ZHX1: variants seen among roughly 807,000 people sequenced by gnomAD.
ZHX1 encodes the protein zinc fingers and homeoboxes 1, also known as zinc fingers and homeoboxes protein 1.
In ZHX1, 20 loss-of-function variants were observed where a neutral mutation model predicts 61.8. That is an observed-to-expected ratio of 0.32 (90% confidence interval 0.23 to 0.47). The LOEUF is 0.47. Among genes scored for constraint, ZHX1 ranks in the 20% least tolerant of loss-of-function variants. The pLI is 1.00. For missense variants in ZHX1, 800 were observed against 1,034.8 expected, an observed-to-expected ratio of 0.77 and a Z score of 3.11; for synonymous variants, 318 against 352.6, an observed-to-expected ratio of 0.90 and a Z score of 1.10.
intron 1 of ZHX1, among the ~76,000 whole-genome samples, chr8:123,271,499 G>C: frequency 6.6e-6 from 1 of 152,012 alleles, no homozygotes; most frequent in East Asian, 1.9e-4. Flanking sequence ...AATCCACAAT[G>C]CTGCAACACA....
Position 123,254,942 on chromosome 8 carries a change from T to C in ZHX1, c.1005A>G (p.Gln335=), listed in dbSNP as rs375077823. ...TCCAACTAACACCATGTTTTAAACGTTGGGCTGAAAACCATATCTTGATCT... is the reference window on the plus strand; with the variant it reads ...TCCAACTAACACCATGTTTTAAACGCTGGGCTGAAAACCATATCTTGATCT... ...EEQIKIWFSA[Q]RLKHGVSWTP... The change falls in exon 3 of 4, where the codon CAA becomes CAG. Residue 335 remains glutamine, a synonymous_variant. Coordinates refer to ENST00000395571, the MANE Select transcript of ZHX1 (RefSeq NM_007222.5). This position sits in a 1 kb window ranked among gnomAD's most constrained non-coding sequence, Gnocchi z 4.1. The C allele has an allele frequency of 1.1e-5, 18 of 1,614,218 alleles. No homozygotes were observed. Among genetic ancestry groups the C allele is most frequent in the Middle Eastern group, 1.6e-4 (1 of 6,062 alleles).
intron 1 of ZHX1, among the ~76,000 whole-genome samples, chr8:123,268,636 C>A (rs549666064): frequency 6.6e-6 from 1 of 152,098 alleles, no homozygotes; most frequent in Admixed American, 6.6e-5. Context: ...GGATTACAGG[C>A]ACACGCCACC....
rs752303790 is a variant in ZHX1 at position 123,254,652 on chromosome 8, G to C, written c.1295C>G (p.Pro432Arg). 6.2e-7 allele frequency: 1 copy of C among 1,614,156 alleles called. No homozygotes were observed. Among genetic ancestry groups the C allele is most frequent in the Non-Finnish European group, 8.5e-7 (1 of 1,180,028 alleles). The change falls in exon 3 of 4, where the codon CCT (proline) becomes CGT (arginine). Residue 432 changes from proline (P) to arginine (R), a missense_variant. Coordinates refer to ENST00000395571, the MANE Select transcript of ZHX1 (RefSeq NM_007222.5). This position sits in a 1 kb window ranked among gnomAD's most constrained non-coding sequence, Gnocchi z 4.1. ...TGTTTCTGCAGTAGGCTGAGCAGCAGGTACCTGACTTTTCTGTATATTATT... is the reference window on the plus strand; with the variant it reads ...TGTTTCTGCAGTAGGCTGAGCAGCACGTACCTGACTTTTCTGTATATTATT... ...SQNNIQKSQV[P>R]AAQPTAETKP... is the part of the protein sequence containing the mutation.
At chr8:123,268,593 G>A (rs1263688703) in intron 1 of ZHX1, among the ~76,000 whole-genome samples, 1 of 152,126 alleles carries the variant, frequency 6.6e-6, no homozygotes, top group Non-Finnish European at 1.5e-5. Context: ...CCTGGTTCAA[G>A]CGATTCTCCT....
At position 123,251,331 on chromosome 8, in the gene ZHX1, T is replaced by C. The variant is rs1265847395; in HGVS notation, c.*4-1011A>G. On this transcript the variant is annotated intron_variant, in intron 3 of 3. Transcript: ENST00000395571. The stretch of plus-strand genomic sequence containing the variant: ...CAACTAAACCTCTTTTCTTCATAAA[T>C]TACCCAGTCTCAGGTCGTTCTTTAT... 2.6e-5 allele frequency among the ~76,000 whole-genome samples: 4 copies of C among 152,184 alleles called. No individual in the cohort carries two copies. The East Asian group carries it at 7.7e-4, about 29-fold the overall frequency.
chr8:123,254,498 G>A lies in ZHX1; in HGVS notation c.1449C>T (p.Tyr483=), dbSNP rs200323008. 4 of 1,613,750 alleles carry A rather than the reference G, an allele frequency of 2.5e-6. No homozygotes were observed. Among genetic ancestry groups the A allele is most frequent in the Middle Eastern group, 1.6e-4 (1 of 6,082 alleles). ...AATCATGGGGAAACTGATTTTTAAG[G>A]TAGCTAACTTTTAATTCTGCCAGTT... ...KEQLAELKVS[Y]LKNQFPHDSE... Residue 483 remains tyrosine, a synonymous_variant, in exon 3 of 4, where the codon TAC becomes TAT. Coordinates refer to ENST00000395571, the MANE Select transcript of ZHX1 (RefSeq NM_007222.5). The surrounding 1 kb of genome is among the most constrained non-coding windows in gnomAD (Gnocchi z 4.1).
chr8:123,262,319 T>C (rs910486401), intron 2 of ZHX1, among the ~76,000 whole-genome samples: 19 of 152,178 alleles, frequency 1.2e-4, no homozygotes, highest in Non-Finnish European at 1.0e-4. Flanking sequence ...TTAAGGAATA[T>C]GGAAAAACTA....
chr8:123,260,488 C>T (rs1180474279), intron 2 of ZHX1, among the ~76,000 whole-genome samples: 1 of 150,754 alleles, frequency 6.6e-6, no homozygotes, highest in Non-Finnish European at 1.5e-5. Context: ...AATCCCGCTA[C>T]TCGGAAGGCT....
Position 123,253,725 on chromosome 8 carries a change from C to T in ZHX1, c.2222G>A (p.Arg741Lys). 1 of 1,614,202 alleles carries T rather than the reference C, an allele frequency of 6.2e-7. No homozygotes were observed. The highest frequency in any genetic ancestry group is 8.5e-7 in the Non-Finnish European group (1 of 1,180,032). The change falls in exon 3 of 4, where the codon AGG becomes AAG. Residue 741 changes from arginine (R) to lysine (K), a missense_variant. Coordinates refer to ENST00000395571, the MANE Select transcript of ZHX1 (RefSeq NM_007222.5). Reference sequence around the variant, plus strand: ...TTTGGGTCTCCCTCTCCCTCTTTTCCTAAGGGAAGACAGACCATTCATACT... The same window carrying T: ...TTTGGGTCTCCCTCTCCCTCTTTTCTTAAGGGAAGACAGACCATTCATACT... ...SSSMNGLSSLRKRGRGRPKGR... is the reference protein window; with the variant it reads ...SSSMNGLSSLKKRGRGRPKGR...
In ZHX1 at chr8:123,255,579, T is replaced by A; in HGVS notation, c.368A>T (p.Lys123Ile). ...RYDALSEHNLKYHPGEENFKL... is the reference protein window; with the variant it reads ...RYDALSEHNLIYHPGEENFKL... ...AAAATTCTCTTCTCCTGGGTGATAT[T>A]TCAGATTATGCTCAGAAAGTGCATC... The change falls in exon 3 of 4, where the codon AAA becomes ATA. Residue 123 changes from lysine (K) to isoleucine (I), a missense_variant. Lys to Ile is a moderately radical substitution (Grantham distance 102). Coordinates refer to ENST00000395571, the MANE Select transcript of ZHX1 (RefSeq NM_007222.5). 6.2e-7 allele frequency: 1 copy of A among 1,613,198 alleles called. No individual in the cohort carries two copies. Among genetic ancestry groups the A allele is most frequent in the Non-Finnish European group, 8.5e-7 (1 of 1,179,924 alleles).
At chr8:123,268,636 C>T (rs549666064) in intron 1 of ZHX1, among the ~76,000 whole-genome samples, 8 of 152,216 alleles carry the variant, frequency 5.3e-5, no homozygotes, top group African/African-American at 1.9e-4. Flanking sequence ...GGATTACAGG[C>T]ACACGCCACC....
At position 123,253,927 on chromosome 8, in the gene ZHX1, T is replaced by C. The variant is rs759506087; in HGVS notation, c.2020A>G (p.Met674Val). The change falls in exon 3 of 4, where the codon ATG (methionine) becomes GTG (valine). Residue 674 changes from methionine to valine, a missense_variant. Coordinates refer to ENST00000395571, the MANE Select transcript of ZHX1 (RefSeq NM_007222.5). ...ICKKTPEQLH[M>V]LKSAFVRTQW... ...GTCCGGACAAATGCACTCTTAAGCA[T>C]GTGCAGCTGCTCAGGTGTTTTTTTA... The C allele has an allele frequency of 5.6e-6, 9 of 1,614,116 alleles. No individual in the cohort carries two copies. The highest frequency in any genetic ancestry group is 7.6e-6 in the Non-Finnish European group (9 of 1,180,036).
At chr8:123,274,700 C>T (rs948860869), upstream of ZHX1, among the ~76,000 whole-genome samples, 3 of 151,986 alleles carry the variant, frequency 2.0e-5, no homozygotes, top group Non-Finnish European at 2.9e-5. Flanking sequence ...CTCGAAATGG[C>T]CCCGCCCTTT....
chr8:123,250,483 CTATGTA>C (rs1825888917), intron 3 of ZHX1, among the ~76,000 whole-genome samples, 163 bp from the exon 4 acceptor site: 2 of 152,308 alleles, frequency 1.3e-5, no homozygotes, highest in African/African-American at 4.8e-5. Context: ...TGCAACTCAT[CTATGTA>C]TATGTTCTTC....
intron 2 of ZHX1, chr8:123,262,972 G>A (rs1826326441): frequency 6.7e-6 from 1 of 149,826 alleles, no homozygotes; most frequent in Non-Finnish European, 1.5e-5. Flanking sequence ...GAGGGAGGGA[G>A]GAAGAGAGGA....
chr8:123,257,880 T>C (rs1788369094), intron 2 of ZHX1, among the ~76,000 whole-genome samples: 1 of 152,166 alleles, frequency 6.6e-6, no homozygotes, highest in South Asian at 2.1e-4. Flanking sequence ...ACCTTCTCCC[T>C]TTCATTTGGT....
chr8:123,252,033 T>C (rs1034464102), intron 3 of ZHX1, among the ~76,000 whole-genome samples: 1 of 152,130 alleles, frequency 6.6e-6, no homozygotes, highest in African/African-American at 2.4e-5. Flanking sequence ...CTGCACAGAA[T>C]AACAGAGCAT....
At chr8:123,261,617 A>G (rs1430271452) in intron 2 of ZHX1, among the ~76,000 whole-genome samples, 1 of 152,162 alleles carries the variant, frequency 6.6e-6, no homozygotes, top group East Asian at 1.9e-4. Context: ...ATATCAGTAC[A>G]CTGCAGGAGG....
chr8:123,253,871 C>T lies in ZHX1; in HGVS notation c.2076G>A (p.Lys692=), dbSNP rs1336505790. 2.5e-6 allele frequency: 4 copies of T among 1,614,084 alleles called. No individual in the cohort carries two copies. The highest frequency in any genetic ancestry group is 3.4e-6 in the Non-Finnish European group (4 of 1,180,032). Residue 692 remains lysine (K), a synonymous_variant, in exon 3 of 4, where the codon AAG becomes AAA. Coordinates refer to ENST00000395571, the MANE Select transcript of ZHX1 (RefSeq NM_007222.5). ...TAGCAAGCCCGCTTTCTTTGGCCAA[C>T]TTGTCATACTCTTCTGGTGATGGCC... ...TQWPSPEEYD[K]LAKESGLART...
Sources: gnomAD v4.1 joint callset for allele counts (sites outside exome capture counted in the v4.1 genomes callset) on GRCh38, gnomAD v4.1.1 for gene constraint, Gnocchi (gnomAD v3.1) non-coding constraint, MANE v1.5 for transcripts, NCBI Gene and HGNC (gene_info 2026-07-23, HGNC 2026-07-21) for gene names.